The following ARSF variants were observed in gnomAD, a reference collection of about 807,000 sequenced individuals.
The protein encoded by ARSF is arylsulfatase F.
A neutral mutation model predicts 35.4 loss-of-function variants in ARSF; 33 were observed. The observed-to-expected ratio is 0.93, with a 90% CI of 0.71 to 1.25. ARSF has a LOEUF of 1.25. Among genes scored for constraint, ARSF ranks in the 50% most tolerant of loss-of-function variants. ARSF has a pLI of 0.00. For missense variants in ARSF, 501 were observed against 480.2 expected, an observed-to-expected ratio of 1.04 and a Z score of -0.40; for synonymous variants, 222 against 193.1, an observed-to-expected ratio of 1.15 and a Z score of -1.24.
chrX:3,065,567 G>T (rs1224692870), intron 1 of ARSF, among the ~76,000 whole-genome samples: 1 of 107,265 alleles, frequency 9.3e-6, no homozygotes, highest in Non-Finnish European at 1.9e-5. Flanking sequence ...AGACCAGGAG[G>T]CAGAGATTTT....
rs771603807 is a variant in ARSF at position 3,056,092 on chromosome X, G to C, written c.-28-11981G>C. On this transcript the variant is annotated intron_variant, in intron 1 of 10. Transcript: ENST00000381127. ...CCACCTCAGCCTCCTGAGTAACTGG[G>C]ACCACAGGTGTGTGCCACCGTGCCT... Among the ~76,000 whole-genome samples, 4 of 110,304 alleles carry C rather than the reference G, an allele frequency of 3.6e-5. No individual in the cohort carries two copies. In the East Asian group the frequency reaches 8.5e-4, roughly 24 times the overall value.
chrX:3,104,465 G>C (rs141772370), intron 9 of ARSF, among the ~76,000 whole-genome samples: 2 of 111,958 alleles, frequency 1.8e-5, no homozygotes, highest in African/African-American at 6.5e-5. Flanking sequence ...AAGTTAATTT[G>C]TCTGCCGATA....
intron 4 of ARSF, among the ~76,000 whole-genome samples, chrX:3,080,157 A>G (rs761579167): frequency 1.8e-5 from 2 of 110,864 alleles, no homozygotes; most frequent in Non-Finnish European, 3.8e-5. Flanking sequence ...GTCTGCTGAC[A>G]CTGACTTTGG....
At chrX:3,071,425 C>T (rs145240581) in intron 2 of ARSF, among the ~76,000 whole-genome samples, 2,548 of 110,110 alleles carry the variant, frequency 0.023, 31 homozygotes, top group Middle Eastern at 0.07. Flanking sequence ...TGCCTCAGCC[C>T]CCCTAGCAGC....
chrX:3,058,276 G>A (rs747002200), intron 1 of ARSF: 1 of 114,455 alleles, frequency 8.7e-6, no homozygotes, highest in African/African-American at 3.3e-5. Context: ...ATTCAGACAT[G>A]TGATTCCACC....
chrX:3,106,408 G>A (rs2090411653), intron 9 of ARSF, among the ~76,000 whole-genome samples: 1 of 111,548 alleles, frequency 9.0e-6, no homozygotes. Context: ...ATATGTCCTT[G>A]CTAATAGAGA....
chrX:3,071,617 A>G lies in ARSF; in HGVS notation c.12-409A>G, dbSNP rs186334015. Among the ~76,000 whole-genome samples, 8 of 110,680 alleles carry G rather than the reference A, an allele frequency of 7.2e-5. No homozygotes were observed. The East Asian group carries it at 2.3e-3, about 32-fold the overall frequency. On this transcript the variant is annotated intron_variant, in intron 2 of 10. Coordinates refer to ENST00000381127, the MANE Select transcript of ARSF (RefSeq NM_001201539.2). Reference sequence around the variant, plus strand: ...CCACACCCGGCCGCAAGTGTCTTTTATATATAATGCCTTCTTTTCCTCTGG... The same window carrying G: ...CCACACCCGGCCGCAAGTGTCTTTTGTATATAATGCCTTCTTTTCCTCTGG...
At chrX:3,057,685 A>T (rs1210784062) in intron 1 of ARSF, among the ~76,000 whole-genome samples, 1 of 111,983 alleles carries the variant, frequency 8.9e-6, no homozygotes, top group Admixed American at 9.5e-5. Context: ...TTTCCTGGCC[A>T]GATGCTACCC....
At chrX:3,107,737 T>C (rs5982643) in intron 9 of ARSF, among the ~76,000 whole-genome samples, 14,058 of 111,079 alleles carry the variant, frequency 0.13, 900 homozygotes, top group African/African-American at 0.25. Context: ...TTTTTCTTTT[T>C]TTCTTTTTCC....
At chrX:3,043,820 C>T (rs2089964613) in intron 1 of ARSF, among the ~76,000 whole-genome samples, 1 of 111,498 alleles carries the variant, frequency 9.0e-6, no homozygotes, top group Admixed American at 9.6e-5. Context: ...CTCACTCTGT[C>T]ACCCAGGCTG....
At chrX:3,045,167 GGGAATGAGAAACCTTTGA>G (rs1235171595) in intron 1 of ARSF, among the ~76,000 whole-genome samples, 1 of 111,739 alleles carries the variant, frequency 8.9e-6, no homozygotes, top group Non-Finnish European at 1.9e-5. Flanking sequence ...TAAAGAGGTG[GGGAATGAGAAACCTTTGA>G]CTTTTGGGTG....
chrX:3,046,621 C>T (rs1376909939), intron 1 of ARSF, among the ~76,000 whole-genome samples: 3 of 111,374 alleles, frequency 2.7e-5, no homozygotes, highest in Admixed American at 9.6e-5. Context: ...CTATTCAATC[C>T]CTTGCTTACT....
chrX:3,076,787 G>A (rs2067306246), intron 4 of ARSF, 118 bp downstream of exon 4: 2 of 1,021,687 alleles, frequency 2.0e-6, no homozygotes, highest in Admixed American at 3.0e-5. Context: ...GCTCACGCCT[G>A]TAATCCCAGA....
intron 7 of ARSF, among the ~76,000 whole-genome samples, chrX:3,100,691 G>T (rs1322893818): frequency 9.0e-6 from 1 of 111,101 alleles, no homozygotes; most frequent in Non-Finnish European, 1.9e-5. Context: ...TCTGCCTCCC[G>T]GGTGTAAGCA....
intron 2 of ARSF, among the ~76,000 whole-genome samples, chrX:3,069,174 A>T (rs1172175335): frequency 9.0e-6 from 1 of 111,703 alleles, no homozygotes; most frequent in Non-Finnish European, 1.9e-5. Flanking sequence ...TATGAAGTGG[A>T]CTCAGGTGGT....
intron 4 of ARSF, among the ~76,000 whole-genome samples, chrX:3,080,434 G>A (rs1438936351): frequency 7.5e-5 from 8 of 106,343 alleles, no homozygotes; most frequent in East Asian, 3.0e-4. Context: ...AGATGGCACT[G>A]CTGCACTCCA....
intron 1 of ARSF, among the ~76,000 whole-genome samples, chrX:3,063,105 C>T (rs1307738612): frequency 8.9e-6 from 1 of 111,844 alleles, no homozygotes. Flanking sequence ...GCTTATCCAT[C>T]ATGGTCAAGT....
intron 2 of ARSF, among the ~76,000 whole-genome samples, chrX:3,070,938 G>GGTGTGT (rs36129786): frequency 6.5e-4 from 62 of 95,173 alleles, no homozygotes; most frequent in African/African-American, 1.9e-3. Context: ...AGTATTCCAT[G>GGTGTGT]GTGTGTGTGT....
intron 1 of ARSF, among the ~76,000 whole-genome samples, chrX:3,067,856 CAA>C (rs1202340233): frequency 6.6e-5 from 4 of 60,578 alleles, no homozygotes; most frequent in Admixed American, 5.6e-4. Flanking sequence ...GACTCCGGCT[CAA>C]AAAAAAAAAA....
Sources: allele counts gnomAD v4.1 joint callset (sites outside exome capture counted in the v4.1 genomes callset), GRCh38; gene constraint gnomAD v4.1.1; transcripts MANE v1.5; gene names NCBI Gene and HGNC (gene_info 2026-07-23, HGNC 2026-07-21).